Variants in BNC2 observed in about 807,000 individuals in gnomAD.
The protein encoded by BNC2 is basonuclin zinc finger protein 2.
BNC2 carries 20 observed loss-of-function variants against 76.3 expected under a neutral mutation model. That is an observed-to-expected ratio of 0.26 (90% confidence interval 0.18 to 0.38). BNC2 has a LOEUF of 0.38. BNC2 is among the 10% of genes least tolerant of loss of function. The probability of loss-of-function intolerance (pLI) is 1.00; values close to 1 mark genes in which losing one functional copy is unlikely to be tolerated. For missense variants in BNC2, 1,382 were observed against 1,399.8 expected (o/e 0.99, Z 0.20); for synonymous variants, 582 against 514.8 (o/e 1.13, Z -1.77).
intron 1 of BNC2, among the ~76,000 whole-genome samples, chr9:16,816,389 C>T (rs940870912): frequency 2.0e-5 from 3 of 152,290 alleles, no homozygotes; most frequent in East Asian, 1.9e-4. Context: ...TAGGTGTGCA[C>T]GCTCTCTTCA....
At chr9:16,456,396 G>A (rs1821449457) in intron 5 of BNC2, among the ~76,000 whole-genome samples, 1 of 151,900 alleles carries the variant, frequency 6.6e-6, no homozygotes, top group African/African-American at 2.4e-5. Context: ...TATGTGAGGT[G>A]AACACTTGCA....
chr9:16,620,714 T>C (rs1374765276), intron 3 of BNC2, among the ~76,000 whole-genome samples: 2 of 152,188 alleles, frequency 1.3e-5, no homozygotes, highest in Non-Finnish European at 2.9e-5. Context: ...GAAAACAGAT[T>C]TTAAACTACA....
At chr9:16,773,404 C>T (rs1334248947) in intron 1 of BNC2, among the ~76,000 whole-genome samples, 2 of 151,826 alleles carry the variant, frequency 1.3e-5, no homozygotes, top group Non-Finnish European at 2.9e-5. Flanking sequence ...CCACTGCTTA[C>T]ATGGAACACT....
At chr9:16,427,375 T>A (rs1820822564) in intron 6 of BNC2, among the ~76,000 whole-genome samples, 2 of 152,218 alleles carry the variant, frequency 1.3e-5, no homozygotes, top group African/African-American at 4.8e-5. Flanking sequence ...TACTGATATG[T>A]GTGTTTCCAG....
At chr9:16,739,959 A>G (rs1200171951) in intron 1 of BNC2, among the ~76,000 whole-genome samples, 1 of 152,200 alleles carries the variant, frequency 6.6e-6, no homozygotes, top group African/African-American at 2.4e-5. Context: ...ATGTTAGAAA[A>G]CAGACTGATA....
At position 16,417,963 on chromosome 9, in the gene BNC2, T is replaced by C. The variant is rs1365712527; in HGVS notation, c.*1026A>G. On this transcript the variant is annotated 3_prime_UTR_variant, in exon 7 of 7. Coordinates refer to ENST00000380672, the MANE Select transcript of BNC2 (RefSeq NM_017637.6). ...GCCTGTGGTTATGTTGAGTGACTAATTGTATTTTCTTTTCTGGAAACTTGT... is the reference window on the plus strand; with the variant it reads ...GCCTGTGGTTATGTTGAGTGACTAACTGTATTTTCTTTTCTGGAAACTTGT... 1 of 152,666 alleles carries C rather than the reference T, an allele frequency of 6.6e-6. No individual in the cohort carries two copies. Among genetic ancestry groups the C allele is most frequent in the Non-Finnish European group, 1.5e-5 (1 of 68,046 alleles). The allele number at this position is 152,666 out of a possible 1,614,324, so 9.5% of individuals were successfully genotyped here.
At chr9:16,484,546 C>A (rs1822121323) in intron 5 of BNC2, among the ~76,000 whole-genome samples, 1 of 152,162 alleles carries the variant, frequency 6.6e-6, no homozygotes, top group East Asian at 1.9e-4. Context: ...CACACAGGAT[C>A]TTATTTCGGG....
chr9:16,689,251 G>A (rs752199246), intron 3 of BNC2, among the ~76,000 whole-genome samples: 23 of 151,730 alleles, frequency 1.5e-4, no homozygotes, highest in African/African-American at 5.6e-4. Flanking sequence ...GGGAGCTACC[G>A]TTGAAAATAT....
At chr9:16,547,842 C>G (rs1818534790) in intron 5 of BNC2, among the ~76,000 whole-genome samples, 1 of 152,266 alleles carries the variant, frequency 6.6e-6, no homozygotes, top group African/African-American at 2.4e-5. Context: ...AGCTACTTCC[C>G]TACTCTTACA....
At chr9:16,776,888 G>A (rs780018842) in intron 1 of BNC2, among the ~76,000 whole-genome samples, 63 of 152,266 alleles carry the variant, frequency 4.1e-4, no homozygotes, top group Non-Finnish European at 6.3e-4. Flanking sequence ...CACTTTGGGA[G>A]TCCAAGGTGG....
chr9:16,773,367 CCTCT>C (rs1491309365), intron 1 of BNC2, among the ~76,000 whole-genome samples: 1 of 151,972 alleles, frequency 6.6e-6, no homozygotes, highest in African/African-American at 2.4e-5. Flanking sequence ...CCTTTTTTCC[CCTCT>C]CTCTTTCAGT....
intron 3 of BNC2, among the ~76,000 whole-genome samples, chr9:16,720,750 A>G (rs935792870): frequency 2.6e-5 from 4 of 152,226 alleles, no homozygotes; most frequent in African/African-American, 4.8e-5. Context: ...TAAACTAGCC[A>G]ATTTGAGTAA....
intron 4 of BNC2, among the ~76,000 whole-genome samples, chr9:16,567,164 C>A (rs1473039458): frequency 6.6e-6 from 1 of 152,032 alleles, no homozygotes; most frequent in East Asian, 1.9e-4. Flanking sequence ...GCCACAGGAC[C>A]CCAAAATGAC....
At chr9:16,496,536 T>C (rs1316987029) in intron 5 of BNC2, among the ~76,000 whole-genome samples, 2 of 152,256 alleles carry the variant, frequency 1.3e-5, no homozygotes, top group Non-Finnish European at 2.9e-5. Context: ...ACTTTATTTT[T>C]AAGGCAGTTT....
chr9:16,849,084 A>T (rs1194716505), intron 1 of BNC2, among the ~76,000 whole-genome samples: 1 of 152,190 alleles, frequency 6.6e-6, no homozygotes, highest in Non-Finnish European at 1.5e-5. Flanking sequence ...TGTATGTCCA[A>T]CACAGGTTGT....
chr9:16,793,810 T>C (rs914536972), intron 1 of BNC2, among the ~76,000 whole-genome samples: 1 of 150,824 alleles, frequency 6.6e-6, no homozygotes, highest in Non-Finnish European at 1.5e-5. Flanking sequence ...GGACTGGGAC[T>C]GCAGGTGCCC....
intron 3 of BNC2, among the ~76,000 whole-genome samples, chr9:16,710,292 T>C (rs187246492): frequency 1.5e-3 from 234 of 152,382 alleles, no homozygotes; most frequent in Admixed American, 4.3e-3. Context: ...TTCAGTCTTA[T>C]GCTTTGCATC....
chr9:16,622,073 C>T (rs759684508), intron 3 of BNC2, among the ~76,000 whole-genome samples: 1 of 152,010 alleles, frequency 6.6e-6, no homozygotes, highest in Admixed American at 6.6e-5. Context: ...TTGTGATGAC[C>T]GTGGTCTTCT....
intron 2 of BNC2, among the ~76,000 whole-genome samples, chr9:16,737,062 T>C (rs1355866394): frequency 2.6e-5 from 4 of 151,982 alleles, no homozygotes; most frequent in South Asian, 2.1e-4. Flanking sequence ...TGCCTCAGCC[T>C]CCCAAAGTGC....
Sources: allele counts gnomAD v4.1 joint callset (sites outside exome capture counted in the v4.1 genomes callset), GRCh38; gene constraint gnomAD v4.1.1; transcripts MANE v1.5; gene names NCBI Gene and HGNC (gene_info 2026-07-23, HGNC 2026-07-21).